Variants in GNS observed in about 807,000 individuals in gnomAD.
GNS encodes the protein glucosamine (N-acetyl)-6-sulfatase.
In GNS, 40 loss-of-function variants were observed where a neutral mutation model predicts 69.7. That is an observed-to-expected ratio of 0.57 (90% CI 0.45 to 0.75). GNS has a LOEUF of 0.75. GNS is among the 30% of genes least tolerant of loss of function. The pLI, the probability that GNS is intolerant of heterozygous loss-of-function variation, is 0.00. For synonymous variants in GNS, 243 were observed against 251.6 expected, an observed-to-expected ratio of 0.97 and a Z score of 0.32; for missense variants, 565 against 685.5, an observed-to-expected ratio of 0.82 and a Z score of 1.96.
In GNS at chr12:64,728,126, T is replaced by C. The variant is rs1869266850; in HGVS notation, c.1200+830A>G. ...TTTTAGTAGAGACAGAGGTTCACCA[T>C]GTTGGCCAGGATGGTCTCGAACCCC... On this transcript the variant is annotated intron_variant, in intron 10 of 13. Transcript: ENST00000258145. Among the ~76,000 whole-genome samples the C allele has an allele frequency of 1.3e-5, 2 of 152,192 alleles. 1 individual carries two copies. The highest frequency in any genetic ancestry group is 4.1e-4 in the South Asian group (2 of 4,828).
chr12:64,752,828 G>T, intron 1 of GNS, 71 bp from the exon 2 acceptor site: 1 of 803,336 alleles, frequency 1.2e-6, no homozygotes. Context: ...CAGAATTCCT[G>T]TTTTGTTACA....
At chr12:64,727,844 G>A (rs764662277) in intron 10 of GNS, among the ~76,000 whole-genome samples, 16 of 152,248 alleles carry the variant, frequency 1.1e-4, no homozygotes, top group Non-Finnish European at 1.5e-4. Context: ...TTAGGGTGAT[G>A]AAAATGCTCT....
rs1323350816 is a variant in GNS at position 64,714,614 on chromosome 12, C to T, written c.*2127G>A. 6.6e-6 allele frequency: 1 copy of T among 152,214 alleles called. No individual in the cohort carries two copies. The highest frequency in any genetic ancestry group is 1.5e-5 in the Non-Finnish European group (1 of 68,050). 9.4% of individuals were successfully genotyped at this position (152,214 alleles called of 1,614,324 possible). A position where few individuals can be genotyped will look rare whatever the true frequency, so the allele number is the denominator to read the frequency against. ...CTACCACGCAAGCACACCCACTGAACTGAGTAAGAGTGGCGTGGCTGAGGT... is the reference window on the plus strand; with the variant it reads ...CTACCACGCAAGCACACCCACTGAATTGAGTAAGAGTGGCGTGGCTGAGGT... On this transcript the variant is annotated 3_prime_UTR_variant, in exon 14 of 14. Transcript: ENST00000258145.
chr12:64,747,782 T>C lies in GNS; in HGVS notation c.389A>G (p.Asn130Ser), dbSNP rs764724434. 1.4e-5 allele frequency: 22 copies of C among 1,612,836 alleles called. No homozygotes were observed. The highest frequency in any genetic ancestry group is 1.8e-5 in the Non-Finnish European group (21 of 1,178,944). The change falls in exon 3 of 14, where the codon AAT becomes AGT. Residue 130 changes from asparagine to serine, a missense_variant. By Grantham distance (46) the Asn-to-Ser change is conservative. Coordinates refer to ENST00000258145, the MANE Select transcript of GNS (RefSeq NM_002076.4). ...SKSWQKIQEP[N>S]TFPAILRSMC... Reference sequence around the variant, plus strand: ...TGATCTGAGAATTGCTGGGAAAGTATTTGGTTCTTGGATCTTCTGCCAGGA... The same window carrying C: ...TGATCTGAGAATTGCTGGGAAAGTACTTGGTTCTTGGATCTTCTGCCAGGA...
rs377469056 is a variant in GNS, at chr12:64,752,627, C to A, written c.252+71G>T. ...AACCACATAGATCATACCAGATTCC[C>A]GAGAAGAGAGTATCTTCTTAGAATA... On this transcript the variant is annotated intron_variant, in intron 2 of 13. Transcript: ENST00000258145. The A allele has an allele frequency of 1.6e-5, 13 of 812,648 alleles. No homozygotes were observed. The African/African-American group carries it at 2.2e-4, about 14-fold the overall frequency. The allele number at this position is 812,648 out of a possible 1,614,324, so 50.3% of individuals were successfully genotyped here.
At chr12:64,721,569 G>A (rs1345187805) in intron 12 of GNS, 26 bp downstream of exon 12, 3 of 1,014,118 alleles carry the variant, frequency 3.0e-6, no homozygotes, top group Non-Finnish European at 4.8e-6. Flanking sequence ...AGGAGCGGGG[G>A]AAGTGCAGGC....
In GNS at chr12:64,716,783, G is replaced by A. The variant is rs1592489447; in HGVS notation, c.1617C>T (p.Arg539=). The A allele has an allele frequency of 3.1e-6, 5 of 1,613,424 alleles. No individual in the cohort carries two copies. The highest frequency in any genetic ancestry group is 2.2e-5 in the East Asian group (1 of 44,878). ...AAAATCTTCGAGTCCTGACACTGCC[G>A]CGATTGCTGAACATGAGACGGGGGT... ...RFDPRLMFSN[R]GSVRTRRFSK... is the part of the protein sequence containing the mutation. The change falls in exon 14 of 14, where the codon CGC becomes CGT. Residue 539 remains arginine, a synonymous_variant. Transcript: ENST00000258145.
At chr12:64,748,040 GAATA>G (rs769122718) in intron 2 of GNS, 122 bp from the exon 3 acceptor site, 18 of 699,716 alleles carry the variant, frequency 2.6e-5, no homozygotes, top group Non-Finnish European at 4.7e-5. Context: ...GTTTCTCATG[GAATA>G]TATATATTTT....
At chr12:64,748,009 T>C (rs747050386) in intron 2 of GNS, 91 bp from the exon 3 acceptor site, 10 of 769,304 alleles carry the variant, frequency 1.3e-5, no homozygotes, top group South Asian at 7.0e-5. Flanking sequence ...AGCTCCTTAA[T>C]ACTCTAACTT....
intron 9 of GNS, among the ~76,000 whole-genome samples, chr12:64,736,667 C>T (rs1466163054): frequency 3.9e-5 from 6 of 152,228 alleles, no homozygotes; most frequent in African/African-American, 1.4e-4. Context: ...ATTGCCCAAG[C>T]ACGTACCATT....
intron 1 of GNS, 193 bp from the exon 2 acceptor site, chr12:64,752,950 T>C: frequency 1.7e-6 from 1 of 594,744 alleles, no homozygotes; most frequent in Non-Finnish European, 3.0e-6. Flanking sequence ...TGTATAAAAG[T>C]GCAGGAAGTC....
intron 9 of GNS, among the ~76,000 whole-genome samples, chr12:64,731,140 A>G (rs779680309): frequency 3.9e-5 from 6 of 152,214 alleles, no homozygotes; most frequent in Non-Finnish European, 7.3e-5. Context: ...GCAGTGGCAC[A>G]ATCACAGCTC....
At chr12:64,751,840 T>G (rs1021235017) in intron 2 of GNS, among the ~76,000 whole-genome samples, 1 of 149,894 alleles carries the variant, frequency 6.7e-6, no homozygotes, top group Non-Finnish European at 1.5e-5. Flanking sequence ...TACAAAAAAT[T>G]AGCAGGGCAT....
rs1181368257 is a variant in GNS, at chr12:64,714,314, A to G, written c.*2427T>C. The G allele has an allele frequency of 6.6e-6, 1 of 152,208 alleles. No individual in the cohort carries two copies. The highest frequency in any genetic ancestry group is 2.4e-5 in the African/African-American group (1 of 41,442). The allele number at this position is 152,208 out of a possible 1,614,324, so 9.4% of individuals were successfully genotyped here. On this transcript the variant is annotated 3_prime_UTR_variant, in exon 14 of 14. Coordinates refer to ENST00000258145, the MANE Select transcript of GNS (RefSeq NM_002076.4). ...GTTCTCTACTCTGAAGGGCACCAAC[A>G]TGGACCTCACCTTCTTAACATGGAA...
At chr12:64,734,232 T>C (rs1463015935) in intron 9 of GNS, among the ~76,000 whole-genome samples, 1 of 152,250 alleles carries the variant, frequency 6.6e-6, no homozygotes, top group African/African-American at 2.4e-5. Context: ...CCACTTACTT[T>C]GCGACCTTGG....
In GNS at chr12:64,720,089, A is replaced by G; in HGVS notation, c.1513T>C (p.Tyr505His). 2.5e-6 allele frequency: 4 copies of G among 1,609,994 alleles called. No homozygotes were observed. The highest frequency in any genetic ancestry group is 3.4e-6 in the Non-Finnish European group (4 of 1,176,170). ...CAGGACTGTAACATCATTAACCGATAGTTCATCTTTCCTAAAAGCTCTGGG... is the reference window on the plus strand; with the variant it reads ...CAGGACTGTAACATCATTAACCGATGGTTCATCTTTCCTAAAAGCTCTGGG... ...IDPELLGKMN[Y>H]RLMMLQSCSG... Residue 505 changes from tyrosine to histidine, a missense_variant, in exon 13 of 14, where the codon TAT (tyrosine) becomes CAT (histidine). Physicochemically the swap from Tyr to His is moderately conservative, Grantham distance 83. Around this residue, in one of 2 missense-constraint regions of GNS, gnomAD observed 384 missense variants for 511.0 expected, o/e 0.75. Transcript: ENST00000258145.
At chr12:64,743,923 C>T (rs1869822002) in intron 5 of GNS, among the ~76,000 whole-genome samples, 1 of 152,126 alleles carries the variant, frequency 6.6e-6, no homozygotes, top group South Asian at 2.1e-4. Flanking sequence ...CATGTATTCC[C>T]AACACTAACT....
intron 13 of GNS, among the ~76,000 whole-genome samples, chr12:64,718,491 T>A (rs766489143): frequency 6.6e-6 from 1 of 152,216 alleles, no homozygotes; most frequent in African/African-American, 2.4e-5. Flanking sequence ...GTTTCCTCAT[T>A]TGAAATTTAC....
At position 64,747,716 on chromosome 12, in the gene GNS, T is replaced by C; in HGVS notation, c.455A>G (p.Asn152Ser). The C allele has an allele frequency of 6.5e-7, 1 of 1,541,984 alleles. No homozygotes were observed. Among genetic ancestry groups the C allele is most frequent in the South Asian group, 1.1e-5 (1 of 89,606 alleles). Residue 152 changes from asparagine to serine, a missense_variant, in exon 3 of 14, where the codon AAT becomes AGT. Physicochemically the swap from Asn to Ser is conservative, Grantham distance 46. Transcript: ENST00000258145. ...GAAACAGATCATTCAACATACCTCA[T>C]TTAAATATTTCCCTGCAAAAAAGGT... ...YQTFFAGKYL[N>S]EYGAPDAGGL...
Sources: gnomAD v4.1 joint callset for allele counts (sites outside exome capture counted in the v4.1 genomes callset) on GRCh38, gnomAD v4.1.1 for gene constraint, gnomAD v4.1.1 regional missense constraint, MANE v1.5 for transcripts, NCBI Gene and HGNC (gene_info 2026-07-23, HGNC 2026-07-21) for gene names.